Variants in BST1 observed in about 807,000 individuals in gnomAD.
BST1 encodes bone marrow stromal cell antigen 1.
A neutral mutation model predicts 40.6 loss-of-function variants in BST1; 49 were observed. The observed-to-expected ratio is 1.21, with a 90% CI of 0.96 to 1.53. BST1 has a LOEUF of 1.53. BST1 is among the 40% of genes most tolerant of loss of function. BST1 has a pLI of 0.00. For missense variants in BST1, 423 were observed against 395.9 expected (o/e 1.07, Z -0.58); for synonymous variants, 157 against 159.3 (o/e 0.99, Z 0.11).
At chr4:15,740,638 T>TTAACAAATTTATTAATTTGTTAAATTA (rs1721720632), downstream of BST1, among the ~76,000 whole-genome samples, 1 of 152,166 alleles carries the variant, frequency 6.6e-6, no homozygotes, top group African/African-American at 2.4e-5. Flanking sequence ...TGCACCTTAT[T>TTAACAAATTTATTAATTTGTTAAATTA]TAACAAATTT....
In BST1 at chr4:15,731,908, G is replaced by T; in HGVS notation, c.*63G>T. ...CAGCCTCCCCTTGCAGTCATCATTC[G>T]TGTTCTGTGTATACCAAATGATTCT... On this transcript the variant is annotated 3_prime_UTR_variant, in exon 9 of 9. Coordinates refer to ENST00000265016, the MANE Select transcript of BST1 (RefSeq NM_004334.3). The T allele has an allele frequency of 9.6e-6, 15 of 1,556,452 alleles. No homozygotes were observed. The highest frequency in any genetic ancestry group is 1.3e-5 in the Non-Finnish European group (15 of 1,150,474).
chr4:15,709,202 G>T (rs1256806935), intron 3 of BST1, among the ~76,000 whole-genome samples: 1 of 152,132 alleles, frequency 6.6e-6, no homozygotes, highest in Non-Finnish European at 1.5e-5. Flanking sequence ...TTACCTAGAT[G>T]CCGAGGGAAA....
chr4:15,738,142 T>G (rs1721636696), exon 7 of BST1: 1 of 215,368 alleles, frequency 4.6e-6, no homozygotes, highest in African/African-American at 2.3e-5. Context: ...CAATGTCGGT[T>G]CATTAGTTGT....
chr4:15,770,051 G>A, the BST1 span, among the ~76,000 whole-genome samples: 385 of 152,236 alleles, frequency 2.5e-3, no homozygotes, highest in Non-Finnish European at 4.0e-3. Flanking sequence ...TGTTGGCCAG[G>A]CTGGTCTCGA....
chr4:15,768,435 C>CT, the BST1 span, among the ~76,000 whole-genome samples: 5 of 149,592 alleles, frequency 3.3e-5, no homozygotes, highest in African/African-American at 1.2e-4. Flanking sequence ...TAATGATTGT[C>CT]TGCCCATGTC....
Position 15,718,993 on chromosome 4 carries a change from G to A in BST1, c.791G>A (p.Arg264Gln), listed in dbSNP as rs370948510. 73 of 1,612,396 alleles carry A rather than the reference G, an allele frequency of 4.5e-5. No homozygotes were observed. Among genetic ancestry groups the A allele is most frequent in the Middle Eastern group, 1.6e-4 (1 of 6,076 alleles). Residue 264 changes from arginine to glutamine, a missense_variant and splice_region_variant, in exon 7 of 9, where the codon CGA (arginine) becomes CAA (glutamine). By Grantham distance (43) the Arg-to-Gln change is conservative (BLOSUM62 1). Coordinates refer to ENST00000265016, the MANE Select transcript of BST1 (RefSeq NM_004334.3). ...CAGTACAGCTGTATTAATGATTACC[G>A]GTAGGTGGCCTATATATCAATGTGC... ...GFQYSCINDY[R>Q]PVKLLQCVDH...
chr4:15,731,140 A>T, intron 8 of BST1: 1 of 412,830 alleles, frequency 2.4e-6, no homozygotes. Flanking sequence ...AGCCAGACAT[A>T]ACACCTTCTT....
At chr4:15,750,001 C>T in the BST1 span, among the ~76,000 whole-genome samples, 1 of 151,406 alleles carries the variant, frequency 6.6e-6, no homozygotes, top group Non-Finnish European at 1.5e-5. Context: ...CTACCCTTCC[C>T]AGCCTCTGGT....
At chr4:15,765,520 C>T in the BST1 span, among the ~76,000 whole-genome samples, 1 of 151,966 alleles carries the variant, frequency 6.6e-6, no homozygotes, top group South Asian at 2.1e-4. Context: ...CTCTTGTGCA[C>T]CAGCGCCTGC....
downstream of BST1, among the ~76,000 whole-genome samples, chr4:15,733,029 C>A (rs4336220): frequency 6.6e-6 from 1 of 151,998 alleles, no homozygotes; most frequent in African/African-American, 2.4e-5. Flanking sequence ...AAAGGTAGTG[C>A]GGACCCAAAG....
At chr4:15,751,318 C>A in the BST1 span, among the ~76,000 whole-genome samples, 1 of 151,982 alleles carries the variant, frequency 6.6e-6, no homozygotes, top group Non-Finnish European at 1.5e-5. Context: ...AAAAAAATCT[C>A]GGGGAACATT....
chr4:15,757,249 G>A, the BST1 span, among the ~76,000 whole-genome samples: 345 of 151,982 alleles, frequency 2.3e-3, 2 homozygotes, highest in African/African-American at 8.0e-3. Context: ...TCATATTTTC[G>A]CGGGACCCCT....
downstream of BST1, among the ~76,000 whole-genome samples, chr4:15,739,673 T>C (rs1219976843): frequency 2.0e-5 from 3 of 152,056 alleles, no homozygotes; most frequent in Non-Finnish European, 4.4e-5. Flanking sequence ...CTATAGGACA[T>C]GTGACACAGT....
In BST1 at chr4:15,711,842, T is replaced by A; in HGVS notation, c.487T>A (p.Cys163Ser). Residue 163 changes from cysteine (C) to serine (S), a missense_variant, in exon 4 of 9, where the codon TGT (cysteine) becomes AGT (serine). Physicochemically the swap from Cys to Ser is moderately radical, Grantham distance 112. Coordinates refer to ENST00000265016, the MANE Select transcript of BST1 (RefSeq NM_004334.3). ...DYQSCPTSED[C>S]ENNPVDSFWK... ...CCAATCCTGCCCTACATCAGAAGAC[T>A]GTGAAAATAATCCTGTGGATTCCTT... The A allele has an allele frequency of 6.2e-7, 1 of 1,614,136 alleles. No homozygotes were observed. The highest frequency in any genetic ancestry group is 8.5e-7 in the Non-Finnish European group (1 of 1,179,966).
intron 8 of BST1, among the ~76,000 whole-genome samples, chr4:15,724,942 G>A (rs376765439): frequency 6.6e-6 from 1 of 152,106 alleles, no homozygotes. Context: ...TTTTATGCTG[G>A]CTGGTATATG....
At chr4:15,733,538 C>A (rs956153063), downstream of BST1, among the ~76,000 whole-genome samples, 2 of 152,338 alleles carry the variant, frequency 1.3e-5, no homozygotes, top group African/African-American at 2.4e-5. Context: ...CCCCTCTCGA[C>A]CTAGGAAGTC....
intron 3 of BST1, among the ~76,000 whole-genome samples, chr4:15,707,853 C>CTA (rs1427610773): frequency 1.9e-3 from 211 of 108,354 alleles, no homozygotes; most frequent in African/African-American, 5.0e-3. Context: ...CTCTCTCTCT[C>CTA]TCTATATATA....
chr4:15,731,627 T>C lies in BST1; in HGVS notation c.852-113T>C. On this transcript the variant is annotated intron_variant, in intron 8 of 8. Coordinates refer to ENST00000265016, the MANE Select transcript of BST1 (RefSeq NM_004334.3). ...GTGTCACGGGAGACTTTGCTGCTCA[T>C]GGCTTCTCGCTCCGCGCTAACCAGA... is the stretch of plus-strand genomic sequence containing the variant. 3.6e-6 allele frequency: 5 copies of C among 1,399,148 alleles called. No individual in the cohort carries two copies. The African/African-American group carries it at 4.3e-5, about 12-fold the overall frequency. The allele number at this position is 1,399,148 out of a possible 1,614,324, so 86.7% of individuals were successfully genotyped here. A position where few individuals can be genotyped will look rare whatever the true frequency, so the allele number is the denominator to read the frequency against.
At chr4:15,726,632 C>T (rs1470152427) in intron 8 of BST1, among the ~76,000 whole-genome samples, 1 of 152,176 alleles carries the variant, frequency 6.6e-6, no homozygotes. Context: ...AGGGAAGTGT[C>T]TGTGGTGTTA....
Sources: allele counts gnomAD v4.1 joint callset (sites outside exome capture counted in the v4.1 genomes callset), GRCh38; gene constraint gnomAD v4.1.1; transcripts MANE v1.5; gene names NCBI Gene and HGNC (gene_info 2026-07-23, HGNC 2026-07-21).